Variants in MYO5C observed in about 807,000 individuals in gnomAD.
MYO5C encodes unconventional myosin-Vc.
MYO5C carries 194 observed loss-of-function variants against 235.7 expected under a neutral mutation model. The ratio of observed to expected loss-of-function variants is 0.82; its 90% CI spans 0.73 to 0.93. The LOEUF (loss-of-function observed/expected upper bound fraction) is 0.93, where lower values mean the gene tolerates loss of function less well. Ranked by LOEUF, MYO5C falls within the 40% of genes least tolerant of loss-of-function variation. MYO5C has a pLI of 0.00. For synonymous variants in MYO5C, 707 were observed against 754.8 expected, an observed-to-expected ratio of 0.94 and a Z score of 1.04; for missense variants, 2,038 against 2,127.2, an observed-to-expected ratio of 0.96 and a Z score of 0.82.
rs1045516244 is a variant in MYO5C, at chr15:52,262,383, A to G, written c.1048-1256T>C. 2.0e-5 allele frequency among the ~76,000 whole-genome samples: 3 copies of G among 152,278 alleles called. No individual in the cohort carries two copies. The South Asian group carries it at 6.2e-4, about 32-fold the overall frequency. On this transcript the variant is annotated intron_variant, in intron 9 of 40. Transcript: ENST00000261839. The stretch of plus-strand genomic sequence containing the variant: ...ACCTTAATAAGAAGCTTCACGGGAG[A>G]GGGCTCAGTGTGATGGCATTTGTTG...
chr15:52,212,238 C>T (rs767539031), intron 34 of MYO5C, among the ~76,000 whole-genome samples: 13 of 152,144 alleles, frequency 8.5e-5, no homozygotes, highest in Non-Finnish European at 1.6e-4. Context: ...ATGAGGATGG[C>T]GTACAGTGTC....
At chr15:52,255,019 A>G (rs1319059730) in intron 11 of MYO5C, among the ~76,000 whole-genome samples, 1 of 152,002 alleles carries the variant, frequency 6.6e-6, no homozygotes, top group African/African-American at 2.4e-5. Flanking sequence ...CCAAAAAAAA[A>G]AAAAGAAACT....
At chr15:52,197,153 G>A (rs2035071372) in intron 38 of MYO5C, among the ~76,000 whole-genome samples, 1 of 152,230 alleles carries the variant, frequency 6.6e-6, no homozygotes, top group Non-Finnish European at 1.5e-5. Context: ...CTCAAGAGAA[G>A]TGAAAGCATG....
intron 13 of MYO5C, among the ~76,000 whole-genome samples, chr15:52,249,412 C>A (rs1307188711): frequency 1.3e-5 from 2 of 152,106 alleles, no homozygotes; most frequent in African/African-American, 4.8e-5. Context: ...CTAGTTTATG[C>A]CTCTGGATTG....
At chr15:52,231,883 T>C (rs1363112635) in intron 24 of MYO5C, among the ~76,000 whole-genome samples, 1 of 152,180 alleles carries the variant, frequency 6.6e-6, no homozygotes, top group African/African-American at 2.4e-5. Flanking sequence ...ATAGGAAAGG[T>C]GGGCTGGTAC....
In MYO5C at chr15:52,242,147, G is replaced by A. The variant is rs3751631; in HGVS notation, c.2457C>T (p.Arg819=). The A allele has an allele frequency of 0.74, 1,189,576 of 1,613,734 alleles. 467,352 individuals carry two copies. The highest frequency in any genetic ancestry group is 0.81 in the Non-Finnish European group (955,323 of 1,179,852). The stretch of plus-strand genomic sequence containing the variant: ...GATACAGGCTGCGAACAAGATACCC[G>A]CGGCAGTGCTTCTGAATGATTATGG... ...WAAIIIQKHC[R]GYLVRSLYQL... is the part of the protein sequence containing the mutation. The change falls in exon 20 of 41, where the codon CGC becomes CGT. Residue 819 remains arginine (R), a synonymous_variant. Transcript: ENST00000261839.
intron 20 of MYO5C, among the ~76,000 whole-genome samples, chr15:52,240,383 A>G (rs2036186010): frequency 6.6e-6 from 1 of 151,948 alleles, no homozygotes; most frequent in Admixed American, 6.6e-5. Flanking sequence ...AGCCTAGGCA[A>G]CATAGCAATA....
At chr15:52,277,557 T>G (rs1230998897) in intron 4 of MYO5C, among the ~76,000 whole-genome samples, 1 of 152,208 alleles carries the variant, frequency 6.6e-6, no homozygotes, top group Admixed American at 6.5e-5. Flanking sequence ...AGACTGCACA[T>G]CCCAGCCTCC....
intron 38 of MYO5C, among the ~76,000 whole-genome samples, chr15:52,203,277 T>C (rs548430257): frequency 2.0e-5 from 3 of 152,120 alleles, no homozygotes; most frequent in African/African-American, 7.2e-5. Context: ...TCAAGGAGAA[T>C]AGGGTATCCA....
chr15:52,219,028 G>A (rs1232760041), intron 31 of MYO5C, among the ~76,000 whole-genome samples: 1 of 152,178 alleles, frequency 6.6e-6, no homozygotes. Context: ...CCAGCCTGGG[G>A]ACCAGACACT....
chr15:52,235,573 C>T (rs1288402738), intron 23 of MYO5C, 97 bp downstream of exon 23: 4 of 906,670 alleles, frequency 4.4e-6, no homozygotes, highest in African/African-American at 3.4e-5. Context: ...ACTAAGTGTA[C>T]ACCAGAGACC....
chr15:52,230,813 G>A (rs8043150), intron 24 of MYO5C, among the ~76,000 whole-genome samples: 25,893 of 147,832 alleles, frequency 0.18, 4,357 homozygotes, highest in East Asian at 0.62. Flanking sequence ...GGAAAAGGCA[G>A]CCAGAAGTCT....
intron 2 of MYO5C, among the ~76,000 whole-genome samples, chr15:52,282,522 G>C (rs558347051): frequency 1.3e-5 from 2 of 152,348 alleles, no homozygotes; most frequent in East Asian, 3.9e-4. Flanking sequence ...GCAGTGCCGT[G>C]GCACAGACCT....
chr15:52,256,955 G>A, intron 10 of MYO5C: 2 of 439,954 alleles, frequency 4.5e-6, no homozygotes, highest in Non-Finnish European at 8.2e-6. Flanking sequence ...CCTCAAGCCA[G>A]GCATTAAAAT....
In MYO5C at chr15:52,260,887, A is replaced by T. The variant is rs1046586151; in HGVS notation, c.1288T>A (p.Phe430Ile). The change falls in exon 10 of 41, where the codon TTT becomes ATT. Residue 430 changes from phenylalanine to isoleucine, a missense_variant. Physicochemically the swap from Phe to Ile is conservative, Grantham distance 21. Coordinates refer to ENST00000261839, the MANE Select transcript of MYO5C (RefSeq NM_018728.4). ...ALQFSGKQHT[F>I]IGVLDIYGFE... ...CCATAAATGTCCAAAACACCAATAAAAGTGTGCTGCTTGCCTGAAAACTGC... is the reference window on the plus strand; with the variant it reads ...CCATAAATGTCCAAAACACCAATAATAGTGTGCTGCTTGCCTGAAAACTGC... 2.5e-6 allele frequency: 4 copies of T among 1,614,054 alleles called. No individual in the cohort carries two copies. The highest frequency in any genetic ancestry group is 1.6e-4 in the Middle Eastern group (1 of 6,084).
intron 11 of MYO5C, 52 bp downstream of exon 11, chr15:52,256,587 A>ACACGCGCGCGCGCGCGCGCGCGCGCG: frequency 2.6e-6 from 1 of 387,552 alleles, no homozygotes; most frequent in Admixed American, 3.8e-5. Context: ...ACACACACAC[A>ACACGCGCGCGCGCGCGCGCGCGCGCG]CGCGCGCGCG....
intron 19 of MYO5C, 121 bp downstream of exon 19, chr15:52,244,235 T>TA: frequency 1.1e-6 from 1 of 896,736 alleles, no homozygotes; most frequent in Non-Finnish European, 1.7e-6. Context: ...AGGGGACCCA[T>TA]GCACGTCTGC....
At position 52,220,894 on chromosome 15, in the gene MYO5C, C is replaced by T. The variant is rs144264525; in HGVS notation, c.3721+268G>A. Among the ~76,000 whole-genome samples, 538 of 151,952 alleles carry T rather than the reference C, an allele frequency of 3.5e-3. 3 individuals are homozygous for T. The highest frequency in any genetic ancestry group is 0.011 in the African/African-American group (469 of 41,398). On this transcript the variant is annotated intron_variant, in intron 30 of 40. Coordinates refer to ENST00000261839, the MANE Select transcript of MYO5C (RefSeq NM_018728.4). ...ATATTGCCCAGACTGGTCTCAAACTCGAACTCCTGGCCTTAAATGATCCAC... is the reference window on the plus strand; with the variant it reads ...ATATTGCCCAGACTGGTCTCAAACTTGAACTCCTGGCCTTAAATGATCCAC...
At chr15:52,238,247 C>A (rs1475746005) in intron 21 of MYO5C, among the ~76,000 whole-genome samples, 1 of 152,150 alleles carries the variant, frequency 6.6e-6, no homozygotes, top group Non-Finnish European at 1.5e-5. Context: ...TTTAAGCCAC[C>A]CAGTCAGTGA....
Sources: allele counts gnomAD v4.1 joint callset (sites outside exome capture counted in the v4.1 genomes callset), GRCh38; gene constraint gnomAD v4.1.1; transcripts MANE v1.5; gene names NCBI Gene and HGNC (gene_info 2026-07-23, HGNC 2026-07-21).